ZNF667: variants seen among roughly 807,000 people sequenced by gnomAD.
ZNF667 encodes the protein myocardial ischemic preconditioning upregulated 1 ortholog.
Under a neutral mutation model 31.8 loss-of-function variants are expected in ZNF667, and 13 were observed. The ratio of observed to expected loss-of-function variants is 0.41; its 90% confidence interval spans 0.27 to 0.65. The LOEUF is 0.65. Among genes scored for constraint, ZNF667 ranks in the 30% least tolerant of loss-of-function variants. The pLI, the probability that ZNF667 is intolerant of heterozygous loss-of-function variation, is 0.32. For missense variants in ZNF667, 642 were observed against 725.6 expected (o/e 0.88, Z 1.32); for synonymous variants, 228 against 247.1 (o/e 0.92, Z 0.73).
chr19:56,460,549 T>C (rs1023728925), intron 5 of ZNF667, 140 bp downstream of exon 5: 39 of 897,344 alleles, frequency 4.3e-5, no homozygotes, highest in East Asian at 8.7e-5. Context: ...TATGGGTGAA[T>C]TGTATAGTAT....
At chr19:56,464,741 T>A (rs2043123729) in intron 3 of ZNF667, among the ~76,000 whole-genome samples, 1 of 152,160 alleles carries the variant, frequency 6.6e-6, no homozygotes, top group Non-Finnish European at 1.5e-5. Context: ...ACACACACAA[T>A]GATCTAGGCT....
Position 56,440,203 on chromosome 19 carries a change from G to T in ZNF667, c.*959C>A, listed in dbSNP as rs987039980. 1 of 152,130 alleles carries T rather than the reference G, an allele frequency of 6.6e-6. No individual in the cohort carries two copies. The highest frequency in any genetic ancestry group is 2.4e-5 in the African/African-American group (1 of 41,398). The allele number at this position is 152,130 out of a possible 1,614,324, so 9.4% of individuals were successfully genotyped here. A position where few individuals can be genotyped will look rare whatever the true frequency, so the allele number is the denominator to read the frequency against. On this transcript the variant is annotated 3_prime_UTR_variant, in exon 7 of 7. Transcript: ENST00000504904. ...AATGTTTACTCATATAAATATAGAT[G>T]ATTTATTTCCAAATAAAACAATACT...
At chr19:56,466,821 A>G (rs1376993510) in intron 3 of ZNF667, among the ~76,000 whole-genome samples, 1 of 152,246 alleles carries the variant, frequency 6.6e-6, no homozygotes, top group Non-Finnish European at 1.5e-5. Context: ...ATGAATGGTC[A>G]TTGATAGCAC....
At chr19:56,455,375 A>G (rs1276542467) in intron 6 of ZNF667, among the ~76,000 whole-genome samples, 1 of 152,216 alleles carries the variant, frequency 6.6e-6, no homozygotes, top group Non-Finnish European at 1.5e-5. Context: ...CTGCATTTCC[A>G]TGTTTATTAC....
intron 6 of ZNF667, among the ~76,000 whole-genome samples, chr19:56,444,553 TC>T (rs2042686090): frequency 1.4e-5 from 2 of 141,936 alleles, no homozygotes; most frequent in African/African-American, 2.7e-5. Context: ...TCCAATCACC[TC>T]CCACCAGACC....
At chr19:56,445,931 G>A (rs997889170) in intron 6 of ZNF667, among the ~76,000 whole-genome samples, 2 of 137,570 alleles carry the variant, frequency 1.5e-5, no homozygotes, top group Non-Finnish European at 3.1e-5. Context: ...ATTTCAACAT[G>A]AGATTTGGTG....
At chr19:56,475,574 A>G (rs1309106067) in intron 1 of ZNF667, 1 of 152,128 alleles carries the variant, frequency 6.6e-6, no homozygotes, top group African/African-American at 2.4e-5. Context: ...TGGTAAATAG[A>G]GCCCAGGGTT....
intron 4 of ZNF667, 134 bp from the exon 5 acceptor site, chr19:56,460,949 G>A: frequency 8.6e-6 from 6 of 694,716 alleles, no homozygotes; most frequent in Non-Finnish European, 1.3e-5. Context: ...GGGTTCTGAG[G>A]CCAAAAGGGG....
chr19:56,459,114 G>A (rs1165222914), intron 5 of ZNF667, among the ~76,000 whole-genome samples: 1 of 152,128 alleles, frequency 6.6e-6, no homozygotes, highest in African/African-American at 2.4e-5. Context: ...TGGTGTGTGT[G>A]GGAAAACCTC....
chr19:56,440,726 T>G lies in ZNF667; in HGVS notation c.*436A>C. On this transcript the variant is annotated 3_prime_UTR_variant, in exon 7 of 7. Coordinates refer to ENST00000504904, the MANE Select transcript of ZNF667 (RefSeq NM_001321356.2). ...ATCTCTGCTCGGTGCAACCCCCACC[T>G]CCTGGGTTCAAGCGATTCTCCTGCC... is the stretch of plus-strand genomic sequence containing the variant. 1.7e-6 allele frequency: 1 copy of G among 575,552 alleles called. No homozygotes were observed. Among genetic ancestry groups the G allele is most frequent in the Admixed American group, 5.4e-5 (1 of 18,504 alleles). 35.7% of individuals were successfully genotyped at this position (575,552 alleles called of 1,614,324 possible). A position where few individuals can be genotyped will look rare whatever the true frequency, so the allele number is the denominator to read the frequency against.
rs1285437027 is a variant in ZNF667, at chr19:56,441,286, A to G, written c.1709T>C (p.Leu570Pro). The change falls in exon 7 of 7, where the codon CTT (leucine) becomes CCT (proline). Residue 570 changes from leucine (L) to proline (P), a missense_variant. Leu to Pro is a moderately conservative substitution (Grantham distance 98, BLOSUM62 -3). Transcript: ENST00000504904. The surrounding 1 kb of genome is among the most constrained non-coding windows in gnomAD (Gnocchi z 4.2). ...CGKAFSSGSD[L>P]IRHQRSHSSE... is the part of the protein sequence containing the mutation. ...AGAATGACTTCTCTGATGTCGAATA[A>G]GGTCTGAGCCACTGCTAAATGCCTT... The G allele has an allele frequency of 6.2e-7, 1 of 1,614,000 alleles. No individual in the cohort carries two copies.
intron 6 of ZNF667, among the ~76,000 whole-genome samples, chr19:56,452,556 A>G (rs752770018): frequency 1.3e-5 from 2 of 152,184 alleles, no homozygotes; most frequent in African/African-American, 2.4e-5. Context: ...AGAGCAAACC[A>G]AACCCCAAAT....
At chr19:56,446,082 A>G (rs556081083) in intron 6 of ZNF667, among the ~76,000 whole-genome samples, 1 of 152,378 alleles carries the variant, frequency 6.6e-6, no homozygotes, top group Non-Finnish European at 1.5e-5. Context: ...TGTGGATACT[A>G]AAGATTTTTT....
chr19:56,454,199 G>T (rs2042889011), intron 6 of ZNF667, among the ~76,000 whole-genome samples: 1 of 152,124 alleles, frequency 6.6e-6, no homozygotes, highest in African/African-American at 2.4e-5. Context: ...AATATGGAAA[G>T]ATAGTCCATG....
At chr19:56,443,606 A>G (rs921793191) in intron 6 of ZNF667, among the ~76,000 whole-genome samples, 7 of 152,212 alleles carry the variant, frequency 4.6e-5, no homozygotes, top group Non-Finnish European at 1.0e-4. Flanking sequence ...TACAGTACAA[A>G]TAACAGTTTT....
chr19:56,452,783 G>A (rs916773465), intron 6 of ZNF667, among the ~76,000 whole-genome samples: 1 of 151,986 alleles, frequency 6.6e-6, no homozygotes, highest in Non-Finnish European at 1.5e-5. Flanking sequence ...AGCCAGGCGT[G>A]GTGGCGGACG....
At chr19:56,460,638 G>T (rs200087561) in intron 5 of ZNF667, 51 bp downstream of exon 5, 1 of 1,568,794 alleles carries the variant, frequency 6.4e-7, no homozygotes, top group Non-Finnish European at 8.6e-7. Flanking sequence ...CCAGAGTGAT[G>T]CATGTCCCTC....
Position 56,440,901 on chromosome 19 carries a change from G to A in ZNF667, c.*261C>T. ...GCCTCCCAAAGTGCTGGGGTTACAGGTGTAAGCCACTGCGCCCAGCCAGTA... is the reference window on the plus strand; with the variant it reads ...GCCTCCCAAAGTGCTGGGGTTACAGATGTAAGCCACTGCGCCCAGCCAGTA... On this transcript the variant is annotated 3_prime_UTR_variant, in exon 7 of 7. Transcript: ENST00000504904. The A allele has an allele frequency of 7.0e-6, 9 of 1,282,992 alleles. No homozygotes were observed. The highest frequency in any genetic ancestry group is 8.9e-6 in the Non-Finnish European group (9 of 1,010,888). 79.5% of individuals were successfully genotyped at this position (1,282,992 alleles called of 1,614,324 possible). A position where few individuals can be genotyped will look rare whatever the true frequency, so the allele number is the denominator to read the frequency against.
intron 3 of ZNF667, chr19:56,466,889 T>TA: frequency 2.4e-6 from 1 of 414,344 alleles, no homozygotes. Flanking sequence ...GACAGCTCCT[T>TA]ACAGTTTCCC....
Sources: gnomAD v4.1 joint callset for allele counts (sites outside exome capture counted in the v4.1 genomes callset) on GRCh38, gnomAD v4.1.1 for gene constraint, Gnocchi (gnomAD v3.1) non-coding constraint, MANE v1.5 for transcripts, NCBI Gene and HGNC (gene_info 2026-07-23, HGNC 2026-07-21) for gene names.